WFDC8: variants seen among roughly 807,000 people sequenced by gnomAD.
The protein encoded by WFDC8 is WAP four-disulfide core domain protein 8.
Under a neutral mutation model 27.0 loss-of-function variants are expected in WFDC8, and 24 were observed. The ratio of observed to expected loss-of-function variants is 0.89; its 90% confidence interval spans 0.64 to 1.25. WFDC8 has a LOEUF of 1.25. WFDC8 is among the 50% of genes most tolerant of loss of function. The pLI is 0.00. For synonymous variants in WFDC8, 106 were observed against 99.7 expected (o/e 1.06, Z -0.38); for missense variants, 287 against 295.9 (o/e 0.97, Z 0.22).
intron 5 of WFDC8, among the ~76,000 whole-genome samples, chr20:45,552,523 G>A (rs998716972): frequency 5.9e-5 from 9 of 152,150 alleles, no homozygotes; most frequent in African/African-American, 2.2e-4. Flanking sequence ...GTATTTAGAG[G>A]GAAATGAGTT....
chr20:45,558,805 C>G, intron 3 of WFDC8, 47 bp downstream of exon 3: 2 of 1,609,674 alleles, frequency 1.2e-6, no homozygotes, highest in Non-Finnish European at 1.7e-6. Context: ...CAGTTTTGGA[C>G]AGAGCAAGAA....
At chr20:45,553,815 AT>A (rs1256681948) in intron 4 of WFDC8, among the ~76,000 whole-genome samples, 2 of 152,092 alleles carry the variant, frequency 1.3e-5, no homozygotes, top group Admixed American at 6.6e-5. Flanking sequence ...GTTTTACCAG[AT>A]TTAGGATCTA....
chr20:45,564,568 G>A (rs1263253601), intron 1 of WFDC8, among the ~76,000 whole-genome samples: 3 of 151,998 alleles, frequency 2.0e-5, no homozygotes, highest in Admixed American at 2.0e-4. Context: ...CAGCTATTCG[G>A]GAGGCTGAGG....
At position 45,572,266 on chromosome 20, in the gene WFDC8, G is replaced by A. The variant is rs562105103; in HGVS notation, c.26+6956C>T. ...CAAAAAAGTAGCCGGGCGTGGTGGC[G>A]GGTGCCTGTAGTCCCAGCTACTCGG... On this transcript the variant is annotated intron_variant, in intron 1 of 5. Transcript: ENST00000289953. Among the ~76,000 whole-genome samples, 1,230 of 151,808 alleles carry A rather than the reference G, an allele frequency of 8.1e-3. 20 individuals are homozygous for A. Among genetic ancestry groups the A allele is most frequent in the African/African-American group, 0.028 (1,180 of 41,424 alleles).
At chr20:45,555,604 C>A (rs1980210967) in intron 4 of WFDC8, 97 bp downstream of exon 4, 2 of 1,428,586 alleles carry the variant, frequency 1.4e-6, no homozygotes, top group South Asian at 1.3e-5. Flanking sequence ...AAGTCTTGAA[C>A]CAAGGAACTT....
At chr20:45,567,375 T>C (rs1286962681) in intron 1 of WFDC8, among the ~76,000 whole-genome samples, 2 of 152,112 alleles carry the variant, frequency 1.3e-5, no homozygotes, top group Non-Finnish European at 2.9e-5. Context: ...CACATAAATA[T>C]AAGGGCAAAT....
At chr20:45,565,686 G>A (rs930250314) in intron 1 of WFDC8, among the ~76,000 whole-genome samples, 1 of 152,150 alleles carries the variant, frequency 6.6e-6, no homozygotes, top group Non-Finnish European at 1.5e-5. Context: ...GGTCAGCACC[G>A]GTTTCATTCA....
chr20:45,571,168 T>C (rs1980853632), intron 1 of WFDC8, among the ~76,000 whole-genome samples: 1 of 152,224 alleles, frequency 6.6e-6, no homozygotes, highest in South Asian at 2.1e-4. Flanking sequence ...ATTTTCCATG[T>C]CTGATTCTCT....
rs542030875 is a variant in WFDC8, at chr20:45,564,430, G to C, written c.27-2211C>G. ...CTCACGCCTGTAATCCCAGCACTTT[G>C]GGAGGCCCAGGTGGGCGGATTATGA... is the stretch of plus-strand genomic sequence containing the variant. On this transcript the variant is annotated intron_variant, in intron 1 of 5. Transcript: ENST00000289953. 9.2e-5 allele frequency among the ~76,000 whole-genome samples: 14 copies of C among 152,202 alleles called. 1 individual carries two copies. The South Asian group carries it at 2.9e-3, about 32-fold the overall frequency.
At chr20:45,553,907 GA>G (rs1340494715) in intron 4 of WFDC8, among the ~76,000 whole-genome samples, 24 of 152,322 alleles carry the variant, frequency 1.6e-4, no homozygotes, top group African/African-American at 5.8e-4. Context: ...CTGTGATTGT[GA>G]AGTTTTTCAA....
intron 1 of WFDC8, among the ~76,000 whole-genome samples, chr20:45,577,797 A>G (rs991225890): frequency 4.0e-5 from 6 of 148,732 alleles, no homozygotes; most frequent in South Asian, 2.2e-4. Flanking sequence ...ACCTGTGGTC[A>G]GGAGTTCAAG....
At position 45,551,963 on chromosome 20, in the gene WFDC8, GAC is replaced by G; in HGVS notation, c.*61_*62del. On this transcript the variant is annotated 3_prime_UTR_variant, in exon 6 of 6. Coordinates refer to ENST00000289953, the MANE Select transcript of WFDC8 (RefSeq NM_130896.3). The stretch of plus-strand genomic sequence containing the variant: ...GGCAAGTTGGATACAAGACAAAACT[GAC>G]AGCTCTTTATCATGCTACTCATAAT... The G allele has an allele frequency of 7.0e-6, 11 of 1,577,574 alleles. No homozygotes were observed. Among genetic ancestry groups the G allele is most frequent in the Non-Finnish European group, 9.5e-6 (11 of 1,158,378 alleles).
chr20:45,571,125 C>T (rs1162790478), intron 1 of WFDC8, among the ~76,000 whole-genome samples: 3 of 152,092 alleles, frequency 2.0e-5, no homozygotes, highest in Non-Finnish European at 2.9e-5. Context: ...GTCCTTAAAT[C>T]GTTAATTTTA....
intron 4 of WFDC8, among the ~76,000 whole-genome samples, chr20:45,555,270 A>AC (rs900587375): frequency 4.0e-4 from 61 of 151,904 alleles, no homozygotes; most frequent in African/African-American, 1.5e-3. Flanking sequence ...CCTTCACCCC[A>AC]CCCTACTCTC....
rs376067784 is a variant in WFDC8 at position 45,572,313 on chromosome 20, C to T, written c.26+6909G>A. ...TCGGGAGGCTGAGGCAGGAGAATGGCGTGAACCCAGGAGGTGGAGCTTGCA... is the reference window on the plus strand; with the variant it reads ...TCGGGAGGCTGAGGCAGGAGAATGGTGTGAACCCAGGAGGTGGAGCTTGCA... On this transcript the variant is annotated intron_variant, in intron 1 of 5. Coordinates refer to ENST00000289953, the MANE Select transcript of WFDC8 (RefSeq NM_130896.3). 6.1e-5 allele frequency among the ~76,000 whole-genome samples: 9 copies of T among 146,408 alleles called. No individual in the cohort carries two copies. In the East Asian group the frequency reaches 6.4e-4, roughly 10 times the overall value.
chr20:45,554,783 T>C (rs1980178819), intron 4 of WFDC8, among the ~76,000 whole-genome samples: 1 of 152,162 alleles, frequency 6.6e-6, no homozygotes, highest in Non-Finnish European at 1.5e-5. Flanking sequence ...GGCCCATGGG[T>C]CCATGGAATT....
In WFDC8 at chr20:45,553,179, A is replaced by G; in HGVS notation, c.543T>C (p.Cys181=). The G allele has an allele frequency of 6.2e-7, 1 of 1,613,822 alleles. No individual in the cohort carries two copies. The highest frequency in any genetic ancestry group is 1.1e-5 in the South Asian group (1 of 91,058). ...AAACAAAGCCACACCTGGATTCACA[A>G]CATTTGTCTGTCTGGGGACAATCGA... is the stretch of plus-strand genomic sequence containing the variant. ...SDIDCPQTDK[C]CESRCGFVCA... Residue 181 remains cysteine, a synonymous_variant, in exon 5 of 6, where the codon TGT becomes TGC. Coordinates refer to ENST00000289953, the MANE Select transcript of WFDC8 (RefSeq NM_130896.3).
Position 45,564,556 on chromosome 20 carries a change from C to T in WFDC8, c.27-2337G>A, listed in dbSNP as rs568977299. ...GGGCGTGGTGGCGGGTGCCTGTAGT[C>T]CCAGCTATTCGGGAGGCTGAGGCAG... On this transcript the variant is annotated intron_variant, in intron 1 of 5. Transcript: ENST00000289953. 2.5e-3 allele frequency among the ~76,000 whole-genome samples: 380 copies of T among 152,118 alleles called. 2 individuals are homozygous for T. Among genetic ancestry groups the T allele is most frequent in the African/African-American group, 8.8e-3 (367 of 41,484 alleles).
In WFDC8 at chr20:45,555,756, C is replaced by G. The variant is rs143345458; in HGVS notation, c.390G>C (p.Gly130=). ...CCTCATTTAAGAAGTTGTTGGCATTCCCTTCGCAGCCCCTGTATTTGAAGG... is the reference window on the plus strand; with the variant it reads ...CCTCATTTAAGAAGTTGTTGGCATTGCCTTCGCAGCCCCTGTATTTGAAGG... The part of the protein sequence containing the change: ...CTPFKYRGCE[G]NANNFLNEDA... The change falls in exon 4 of 6, where the codon GGG becomes GGC. Residue 130 remains glycine (G), a synonymous_variant. Transcript: ENST00000289953. 1 of 1,613,280 alleles carries G rather than the reference C, an allele frequency of 6.2e-7. No homozygotes were observed.
Sources: allele counts gnomAD v4.1 joint callset (sites outside exome capture counted in the v4.1 genomes callset), GRCh38; gene constraint gnomAD v4.1.1; transcripts MANE v1.5; gene names NCBI Gene and HGNC (gene_info 2026-07-23, HGNC 2026-07-21).